Variants in ZDHHC21 observed in about 807,000 individuals in gnomAD.
ZDHHC21 encodes the protein palmitoyltransferase ZDHHC21.
ZDHHC21 carries 15 observed loss-of-function variants against 34.6 expected under a neutral mutation model. That is an observed-to-expected ratio of 0.43 (90% CI 0.29 to 0.67). The LOEUF (loss-of-function observed/expected upper bound fraction) is 0.67. Ranked by LOEUF, ZDHHC21 falls within the 30% of genes least tolerant of loss-of-function variation. The pLI is 0.14. For missense variants in ZDHHC21, 344 were observed against 327.7 expected (o/e 1.05, Z -0.38); for synonymous variants, 142 against 101.8 (o/e 1.40, Z -2.38).
intron 1 of ZDHHC21, among the ~76,000 whole-genome samples, chr9:14,691,994 A>T (rs1384490152): frequency 6.6e-6 from 1 of 152,202 alleles, no homozygotes; most frequent in East Asian, 1.9e-4. Context: ...CTGTAAACCC[A>T]CAGCTGGATA....
the ZDHHC21 span, among the ~76,000 whole-genome samples, chr9:14,599,388 G>A: frequency 1.3e-5 from 2 of 152,156 alleles, no homozygotes; most frequent in Non-Finnish European, 2.9e-5. Context: ...GTGAGGGACT[G>A]TGCCATGAGG....
Position 14,690,397 on chromosome 9 carries a change from G to C in ZDHHC21, c.-224-12C>G. 2.2e-6 allele frequency: 1 copy of C among 453,516 alleles called. No individual in the cohort carries two copies. The highest frequency in any genetic ancestry group is 4.4e-6 in the Non-Finnish European group (1 of 226,186). 28.1% of individuals were successfully genotyped at this position (453,516 alleles called of 1,614,324 possible). On this transcript the variant is annotated splice_polypyrimidine_tract_variant and intron_variant, in intron 1 of 9. Transcript: ENST00000380916. ...AAAAGTTCTTCATTCTGTAATTACA[G>C]ATAAAAAGCTTAAAATCAGAAGCTT...
chr9:14,655,314 TGAGA>T (rs1831995633), intron 7 of ZDHHC21, among the ~76,000 whole-genome samples: 2 of 151,948 alleles, frequency 1.3e-5, no homozygotes, highest in African/African-American at 4.8e-5. Flanking sequence ...GAACCAACAC[TGAGA>T]GAATTTGTTC....
intron 5 of ZDHHC21, among the ~76,000 whole-genome samples, chr9:14,671,371 A>G (rs1350229417): frequency 6.6e-6 from 1 of 152,090 alleles, no homozygotes; most frequent in African/African-American, 2.4e-5. Flanking sequence ...ACATTACTTG[A>G]AATTACCTAA....
downstream of ZDHHC21, among the ~76,000 whole-genome samples, chr9:14,606,633 G>C (rs1164109408): frequency 6.6e-6 from 1 of 151,934 alleles, no homozygotes; most frequent in Non-Finnish European, 1.5e-5. Context: ...AAAAATGGTT[G>C]GTTTTTTTAT....
At chr9:14,622,205 T>C (rs138527242) in intron 8 of ZDHHC21, among the ~76,000 whole-genome samples, 1 of 152,184 alleles carries the variant, frequency 6.6e-6, no homozygotes, top group African/African-American at 2.4e-5. Flanking sequence ...ATGAGGATGA[T>C]TTACTATTTT....
intron 8 of ZDHHC21, among the ~76,000 whole-genome samples, chr9:14,627,185 G>A (rs572585413): frequency 6.6e-6 from 1 of 152,272 alleles, no homozygotes; most frequent in South Asian, 2.1e-4. Context: ...TAAAAGGCAA[G>A]TAAATCGACT....
At chr9:14,599,875 C>T in the ZDHHC21 span, among the ~76,000 whole-genome samples, 16 of 152,112 alleles carry the variant, frequency 1.1e-4, no homozygotes, top group African/African-American at 3.6e-4. Flanking sequence ...AAACATAATC[C>T]ATCATATAAA....
chr9:14,682,316 C>A (rs1319411835), intron 2 of ZDHHC21, among the ~76,000 whole-genome samples: 8 of 152,114 alleles, frequency 5.3e-5, no homozygotes, highest in Admixed American at 4.6e-4. Context: ...CAGAGACACA[C>A]ATAGGCTCAA....
intron 8 of ZDHHC21, among the ~76,000 whole-genome samples, chr9:14,636,246 A>G (rs182281969): frequency 6.6e-6 from 1 of 152,370 alleles, no homozygotes; most frequent in Admixed American, 6.5e-5. Context: ...AATGGAAACC[A>G]AAAGTAAGCT....
downstream of ZDHHC21, among the ~76,000 whole-genome samples, chr9:14,606,689 T>C (rs141460656): frequency 4.4e-3 from 668 of 152,046 alleles, 3 homozygotes; most frequent in Non-Finnish European, 7.6e-3. Flanking sequence ...ACTGGAACAA[T>C]CACCATAAAG....
chr9:14,632,054 AACACACACAAACACACAC>A (rs1022957735), intron 8 of ZDHHC21, among the ~76,000 whole-genome samples: 1 of 145,038 alleles, frequency 6.9e-6, no homozygotes, highest in African/African-American at 2.5e-5. Context: ...AACTAGTTAA[AACACACACAAACACACAC>A]ACACACACAC....
chr9:14,670,662 T>C (rs1470487580), intron 5 of ZDHHC21, among the ~76,000 whole-genome samples: 3 of 152,100 alleles, frequency 2.0e-5, no homozygotes, highest in Non-Finnish European at 4.4e-5. Context: ...ACTTGAGTCA[T>C]TCCTTTGATA....
At chr9:14,684,257 A>C (rs935588908) in intron 2 of ZDHHC21, among the ~76,000 whole-genome samples, 1 of 151,678 alleles carries the variant, frequency 6.6e-6, no homozygotes, top group African/African-American at 2.4e-5. Flanking sequence ...AGAGGAAGTC[A>C]AATTGTCCCT....
chr9:14,679,304 T>C (rs973663927), intron 3 of ZDHHC21, among the ~76,000 whole-genome samples: 10 of 152,192 alleles, frequency 6.6e-5, no homozygotes, highest in African/African-American at 2.4e-4. Flanking sequence ...TGCTGAAATT[T>C]GTTAAAATGT....
At chr9:14,622,045 A>C (rs1361006859) in intron 8 of ZDHHC21, among the ~76,000 whole-genome samples, 1 of 152,128 alleles carries the variant, frequency 6.6e-6, no homozygotes. Flanking sequence ...AGCTATCCAG[A>C]GAAATTCACT....
intron 8 of ZDHHC21, among the ~76,000 whole-genome samples, chr9:14,634,077 G>T (rs1827840719): frequency 6.6e-6 from 1 of 152,072 alleles, no homozygotes; most frequent in Non-Finnish European, 1.5e-5. Flanking sequence ...AGGAGCCTGG[G>T]GACCATCTAC....
At chr9:14,604,852 T>C in the ZDHHC21 span, among the ~76,000 whole-genome samples, 1 of 152,190 alleles carries the variant, frequency 6.6e-6, no homozygotes. Context: ...AGAAACTCTA[T>C]ACCTTTTGAA....
At chr9:14,593,120 A>C in the ZDHHC21 span, among the ~76,000 whole-genome samples, 1 of 152,130 alleles carries the variant, frequency 6.6e-6, no homozygotes, top group Non-Finnish European at 1.5e-5. Context: ...AGCAAGTAGA[A>C]AAAAAGAAAT....
Sources: allele counts gnomAD v4.1 joint callset (sites outside exome capture counted in the v4.1 genomes callset), GRCh38; gene constraint gnomAD v4.1.1; transcripts MANE v1.5; gene names NCBI Gene and HGNC (gene_info 2026-07-23, HGNC 2026-07-21).